Variants in RELL1 observed in about 807,000 individuals in gnomAD.
RELL1 encodes RELT-like protein 1.
In RELL1, 10 loss-of-function variants were observed where a neutral mutation model predicts 23.0. That is an observed-to-expected ratio of 0.43 (90% CI 0.27 to 0.74). RELL1 has a LOEUF of 0.74. Among genes scored for constraint, RELL1 ranks in the 30% least tolerant of loss-of-function variants. RELL1 has a pLI of 0.19. For missense variants in RELL1, 315 were observed against 364.4 expected, an observed-to-expected ratio of 0.86 and a Z score of 1.10; for synonymous variants, 146 against 146.8, an observed-to-expected ratio of 0.99 and a Z score of 0.04.
chr4:37,604,766 C>G (rs1413433208), intron 6 of RELL1, among the ~76,000 whole-genome samples: 1 of 137,134 alleles, frequency 7.3e-6, no homozygotes, highest in African/African-American at 2.8e-5. Flanking sequence ...AAGAACCACA[C>G]ACACACACAG....
At chr4:37,625,285 G>A (rs1369196275) in intron 6 of RELL1, among the ~76,000 whole-genome samples, 1 of 151,536 alleles carries the variant, frequency 6.6e-6, no homozygotes, top group East Asian at 1.9e-4. Flanking sequence ...ACACATAGGA[G>A]GAAAGTTCCA....
intron 1 of RELL1, among the ~76,000 whole-genome samples, chr4:37,673,471 C>T (rs1270595627): frequency 6.6e-6 from 1 of 152,150 alleles, no homozygotes; most frequent in East Asian, 1.9e-4. Context: ...AGATTACAGG[C>T]GTGAGCCACC....
At chr4:37,597,336 G>A (rs570776272) in intron 6 of RELL1, among the ~76,000 whole-genome samples, 38 of 152,256 alleles carry the variant, frequency 2.5e-4, no homozygotes, top group African/African-American at 8.9e-4. Flanking sequence ...ACTAAAATGA[G>A]TGAGGCCTTT....
chr4:37,617,875 G>C (rs1719626057), intron 6 of RELL1, among the ~76,000 whole-genome samples: 1 of 152,176 alleles, frequency 6.6e-6, no homozygotes, highest in Non-Finnish European at 1.5e-5. Context: ...ACTAGAATTC[G>C]ACTAATTTGC....
At chr4:37,632,917 T>A (rs575518314) in intron 5 of RELL1, among the ~76,000 whole-genome samples, 2 of 152,156 alleles carry the variant, frequency 1.3e-5, no homozygotes, top group Non-Finnish European at 2.9e-5. Flanking sequence ...TCTCCTTCTG[T>A]GTCCAAAATA....
At chr4:37,622,743 T>G in intron 6 of RELL1, 1 of 447,216 alleles carries the variant, frequency 2.2e-6, no homozygotes, top group South Asian at 1.6e-5. Context: ...TCTGACACAC[T>G]GCCACATCCC....
At chr4:37,640,065 G>A (rs1316141325) in intron 3 of RELL1, among the ~76,000 whole-genome samples, 1 of 150,620 alleles carries the variant, frequency 6.6e-6, no homozygotes, top group African/African-American at 2.4e-5. Flanking sequence ...ACATATAAGA[G>A]AGTGAGTTTT....
rs1439601728 is a variant in RELL1, at chr4:37,638,467, G to A, written c.423C>T (p.Asn141=). The A allele has an allele frequency of 1.7e-5, 27 of 1,612,948 alleles. No individual in the cohort carries two copies. Among genetic ancestry groups the A allele is most frequent in the East Asian group, 2.2e-5 (1 of 44,864 alleles). ...ADVLKAMVAD[N]SLYDPESPVT... ...CTCACCTTTCAGGATCATACAGGCT[G>A]TTATCTGCTACCATCGCCTTTAAGA... Residue 141 remains asparagine (N), a synonymous_variant, in exon 4 of 7, where the codon AAC becomes AAT. Coordinates refer to ENST00000454158, the MANE Select transcript of RELL1 (RefSeq NM_001085400.2).
intron 6 of RELL1, among the ~76,000 whole-genome samples, chr4:37,630,641 A>G (rs1399483604): frequency 1.3e-5 from 2 of 151,078 alleles, no homozygotes; most frequent in African/African-American, 4.9e-5. Context: ...CTGGGATTAC[A>G]TGGGATTACA....
intron 6 of RELL1, among the ~76,000 whole-genome samples, chr4:37,620,931 T>G (rs180860624): frequency 3.9e-5 from 6 of 152,298 alleles, no homozygotes; most frequent in African/African-American, 7.2e-5. Flanking sequence ...AGTAGTAGTA[T>G]TATTATCCCC....
In RELL1 at chr4:37,638,325, C is replaced by T; in HGVS notation, c.443+122G>A. The T allele has an allele frequency of 6.6e-6, 5 of 762,056 alleles. No individual in the cohort carries two copies. In the South Asian group the frequency reaches 6.8e-5, roughly 10 times the overall value. The allele number at this position is 762,056 out of a possible 1,614,324, so 47.2% of individuals were successfully genotyped here. ...CGCACAGCAAAGAACTACCTGGTCC[C>T]AAAATAACTATAGTGTTAAAGCTGG... On this transcript the variant is annotated intron_variant, in intron 4 of 6. Coordinates refer to ENST00000454158, the MANE Select transcript of RELL1 (RefSeq NM_001085400.2).
rs6838115 is a variant in RELL1 at position 37,638,458 on chromosome 4, A to G, written c.432T>C (p.Tyr144=). Residue 144 remains tyrosine (Y), a synonymous_variant, in exon 4 of 7, where the codon TAT becomes TAC. Transcript: ENST00000454158. ...GGAGGAGCACTCACCTTTCAGGATC[A>G]TACAGGCTGTTATCTGCTACCATCG... is the stretch of plus-strand genomic sequence containing the variant. The part of the protein sequence containing the change: ...LKAMVADNSL[Y]DPESPVTPST... 5,196 of 1,612,782 alleles carry G rather than the reference A, an allele frequency of 3.2e-3. 159 individuals carry two copies. In the African/African-American group the frequency reaches 0.062, roughly 19 times the overall value.
intron 1 of RELL1, among the ~76,000 whole-genome samples, chr4:37,669,187 G>A (rs1415520828): frequency 7.2e-6 from 1 of 139,228 alleles, no homozygotes; most frequent in Non-Finnish European, 1.5e-5. Context: ...GAGGTGGGGG[G>A]GGGGGTCAGC....
chr4:37,640,657 A>C (rs1720496637), intron 3 of RELL1, among the ~76,000 whole-genome samples: 1 of 152,224 alleles, frequency 6.6e-6, no homozygotes, highest in Non-Finnish European at 1.5e-5. Flanking sequence ...AATACAATGG[A>C]AATCCTATGT....
chr4:37,669,626 T>C (rs1056979267), intron 1 of RELL1, among the ~76,000 whole-genome samples: 2 of 152,146 alleles, frequency 1.3e-5, no homozygotes, highest in African/African-American at 4.8e-5. Flanking sequence ...AGAAATCGGA[T>C]GGTTGCCGTG....
At chr4:37,632,359 T>C (rs1466532693) in intron 5 of RELL1, among the ~76,000 whole-genome samples, 2 of 152,100 alleles carry the variant, frequency 1.3e-5, no homozygotes, top group East Asian at 3.9e-4. Flanking sequence ...TTAGTAGAGA[T>C]GGAGTTTCAC....
chr4:37,657,400 A>T (rs982130961), intron 1 of RELL1, among the ~76,000 whole-genome samples: 1 of 152,130 alleles, frequency 6.6e-6, no homozygotes, highest in African/African-American at 2.4e-5. Context: ...CTCAGGGTGA[A>T]GGGAAGAAAT....
Position 37,647,412 on chromosome 4 carries a change from C to A in RELL1, c.341G>T (p.Ser114Ile). The change falls in exon 3 of 7, where the codon AGT becomes ATT. Residue 114 changes from serine (S) to isoleucine (I), a missense_variant. By Grantham distance (142) the Ser-to-Ile change is moderately radical (BLOSUM62 -2). Coordinates refer to ENST00000454158, the MANE Select transcript of RELL1 (RefSeq NM_001085400.2). ...GTGGACGATTTGCCCAACAGTGTCA[C>A]TGTTTTCATTCACACTGTCATTCAA... ...IELNDSVNEN[S>I]DTVGQIVHYI... 1 of 1,613,146 alleles carries A rather than the reference C, an allele frequency of 6.2e-7. No individual in the cohort carries two copies. The highest frequency in any genetic ancestry group is 8.5e-7 in the Non-Finnish European group (1 of 1,179,150).
chr4:37,675,978 T>C (rs531999088), intron 1 of RELL1, among the ~76,000 whole-genome samples: 1 of 152,326 alleles, frequency 6.6e-6, no homozygotes, highest in East Asian at 1.9e-4. Flanking sequence ...ACCACTGCTG[T>C]TGCTTTGCTT....
Sources: allele counts gnomAD v4.1 joint callset (sites outside exome capture counted in the v4.1 genomes callset), GRCh38; gene constraint gnomAD v4.1.1; transcripts MANE v1.5; gene names NCBI Gene and HGNC (gene_info 2026-07-23, HGNC 2026-07-21).